Variants in PPP2R5E observed in about 807,000 individuals in gnomAD.
The protein encoded by PPP2R5E is protein phosphatase 2 regulatory subunit B'epsilon.
In PPP2R5E, 4 loss-of-function variants were observed where a neutral mutation model predicts 65.3. The observed-to-expected ratio is 0.06, with a 90% CI of 0.03 to 0.14. The LOEUF (loss-of-function observed/expected upper bound fraction) is 0.14, where lower values mean the gene tolerates loss of function less well. Among genes scored for constraint, PPP2R5E ranks in the 10% least tolerant of loss-of-function variants. The pLI, the probability that PPP2R5E is intolerant of heterozygous loss-of-function variation, is 1.00. For synonymous variants in PPP2R5E, 183 were observed against 187.4 expected, an observed-to-expected ratio of 0.98 and a Z score of 0.19; for missense variants, 274 against 556.1, an observed-to-expected ratio of 0.49 and a Z score of 5.10.
chr14:63,371,368 C>G lies in PPP2R5E; in HGVS notation c.*4641G>C, dbSNP rs1367661789. ...AAAAACAGCCAGGCACCTGAAAACT[C>G]TTCACTGCTTCTTTATTATGATGCA... On this transcript the variant is annotated 3_prime_UTR_variant, in exon 14 of 14. Transcript: ENST00000337537. 2 of 152,258 alleles carry G rather than the reference C, an allele frequency of 1.3e-5. No individual in the cohort carries two copies. Among genetic ancestry groups the G allele is most frequent in the Admixed American group, 6.5e-5 (1 of 15,278 alleles). 9.4% of individuals were successfully genotyped at this position (152,258 alleles called of 1,614,324 possible). A position where few individuals can be genotyped will look rare whatever the true frequency, so the allele number is the denominator to read the frequency against.
intron 3 of PPP2R5E, among the ~76,000 whole-genome samples, chr14:63,424,729 C>A (rs75721294): frequency 0.016 from 2,246 of 140,172 alleles, 56 homozygotes; most frequent in African/African-American, 0.057. Context: ...CCAGCCTGGG[C>A]AACAGAGCCA....
At chr14:63,434,526 A>C (rs1190841828) in intron 3 of PPP2R5E, among the ~76,000 whole-genome samples, 1 of 152,230 alleles carries the variant, frequency 6.6e-6, no homozygotes, top group African/African-American at 2.4e-5. Context: ...CCCAGCCCTT[A>C]GTATGCTGCT....
At chr14:63,524,390 C>G (rs1489507540) in intron 2 of PPP2R5E, among the ~76,000 whole-genome samples, 1 of 152,200 alleles carries the variant, frequency 6.6e-6, no homozygotes, top group Non-Finnish European at 1.5e-5. Context: ...AACCACTATT[C>G]AGACAGTTTA....
At chr14:63,475,623 T>C (rs1052899789) in intron 2 of PPP2R5E, among the ~76,000 whole-genome samples, 8 of 152,292 alleles carry the variant, frequency 5.3e-5, no homozygotes, top group Non-Finnish European at 1.0e-4. Flanking sequence ...AGATAATACA[T>C]TGAAGACTAA....
intron 1 of PPP2R5E, 57 bp from the exon 2 acceptor site, chr14:63,539,749 G>A: frequency 6.8e-7 from 1 of 1,480,230 alleles, no homozygotes; most frequent in Middle Eastern, 2.1e-4. Flanking sequence ...GCATACATGT[G>A]AGTTATACAA....
intron 12 of PPP2R5E, 66 bp downstream of exon 12, chr14:63,384,378 T>C (rs1444816046): frequency 6.5e-7 from 1 of 1,549,492 alleles, no homozygotes; most frequent in Non-Finnish European, 8.9e-7. Context: ...TGGCACATAA[T>C]AAGGCTGAAG....
intron 2 of PPP2R5E, among the ~76,000 whole-genome samples, chr14:63,524,221 A>G (rs7147496): frequency 0.012 from 1,812 of 152,312 alleles, 30 homozygotes; most frequent in African/African-American, 0.042. Flanking sequence ...CTGTGAGACA[A>G]AAGTCTTTCA....
intron 3 of PPP2R5E, among the ~76,000 whole-genome samples, chr14:63,442,160 A>C (rs993563169): frequency 2.0e-5 from 3 of 152,180 alleles, no homozygotes; most frequent in African/African-American, 7.2e-5. Flanking sequence ...TCCTGATTTC[A>C]TTCTACAAAT....
intron 5 of PPP2R5E, among the ~76,000 whole-genome samples, chr14:63,413,041 A>AT (rs1232599784): frequency 6.6e-6 from 1 of 152,226 alleles, no homozygotes; most frequent in East Asian, 1.9e-4. Flanking sequence ...AAAATGGAAC[A>AT]AGCTACCTGT....
intron 3 of PPP2R5E, among the ~76,000 whole-genome samples, chr14:63,448,824 A>G (rs1046935343): frequency 6.7e-6 from 1 of 149,964 alleles, no homozygotes; most frequent in Admixed American, 6.6e-5. Flanking sequence ...CCCAATATCT[A>G]TGAAGTGCAA....
intron 2 of PPP2R5E, among the ~76,000 whole-genome samples, chr14:63,522,841 C>T: frequency 6.6e-6 from 1 of 151,512 alleles, no homozygotes; most frequent in East Asian, 2.0e-4. Context: ...GGCCAGCCGC[C>T]CCGTCCAGGA....
Position 63,384,502 on chromosome 14 carries a change from C to A in PPP2R5E, c.1144G>T (p.Val382Phe). Residue 382 changes from valine (V) to phenylalanine (F), a missense_variant, in exon 12 of 14, where the codon GTC (valine) becomes TTC (phenylalanine). Around this residue, in one of 6 missense-constraint regions of PPP2R5E, gnomAD observed 129 missense variants for 254.9 expected, o/e 0.51. Transcript: ENST00000337537. ...IMSLIEENSN[V>F]ILPIMFSSLY... is the part of the protein sequence containing the mutation. ...CTGGAAAACATGATGGGAAGGATGA[C>A]GTTAGAGTTTTCTTCTATCAAACTC... 2 of 1,613,794 alleles carry A rather than the reference C, an allele frequency of 1.2e-6. No individual in the cohort carries two copies. The highest frequency in any genetic ancestry group is 1.1e-5 in the South Asian group (1 of 91,066).
chr14:63,415,353 C>T (rs1352068528), intron 4 of PPP2R5E, 121 bp from the exon 5 acceptor site: 6 of 570,528 alleles, frequency 1.1e-5, no homozygotes, highest in African/African-American at 1.9e-5. Flanking sequence ...TAATATCAAT[C>T]AACAAACCAG....
At chr14:63,508,523 C>A (rs1892320814) in intron 2 of PPP2R5E, among the ~76,000 whole-genome samples, 1 of 152,202 alleles carries the variant, frequency 6.6e-6, no homozygotes, top group African/African-American at 2.4e-5. Flanking sequence ...TGAATCCTTA[C>A]AACTCTAAGG....
intron 12 of PPP2R5E, 28 bp from the exon 13 acceptor site, chr14:63,382,185 GT>G (rs1884405619): frequency 1.2e-5 from 19 of 1,567,752 alleles, no homozygotes; most frequent in Non-Finnish European, 1.7e-5. Flanking sequence ...AAAGGAGTGT[GT>G]TAGTTAGTCT....
At chr14:63,528,025 G>A (rs1221003639) in intron 2 of PPP2R5E, among the ~76,000 whole-genome samples, 1 of 151,504 alleles carries the variant, frequency 6.6e-6, no homozygotes, top group East Asian at 1.9e-4. Flanking sequence ...GGGAAACTAT[G>A]CTTAATTCTA....
chr14:63,480,463 A>AG (rs1315529371), intron 2 of PPP2R5E, among the ~76,000 whole-genome samples: 4 of 152,162 alleles, frequency 2.6e-5, no homozygotes, highest in African/African-American at 9.7e-5. Flanking sequence ...CTCAAAAAAA[A>AG]CAGTTGGGGT....
intron 8 of PPP2R5E, among the ~76,000 whole-genome samples, chr14:63,393,374 C>T (rs1885134528): frequency 6.6e-6 from 1 of 152,052 alleles, no homozygotes; most frequent in Admixed American, 6.6e-5. Flanking sequence ...TTTTATTTCC[C>T]TCGGGGAGTA....
intron 5 of PPP2R5E, among the ~76,000 whole-genome samples, chr14:63,414,419 CAT>C (rs1886576850): frequency 1.3e-5 from 2 of 152,152 alleles, no homozygotes; most frequent in South Asian, 4.1e-4. Flanking sequence ...AGATGCCCCA[CAT>C]GTCACTCAGA....
Sources: allele counts gnomAD v4.1 joint callset (sites outside exome capture counted in the v4.1 genomes callset), GRCh38; gene constraint gnomAD v4.1.1; regional missense constraint gnomAD v4.1.1; transcripts MANE v1.5; gene names NCBI Gene and HGNC (gene_info 2026-07-23, HGNC 2026-07-21).